The following WDR20 variants were observed in gnomAD, a reference collection of about 807,000 sequenced individuals.
WDR20 encodes the protein WD repeat domain 20, also known as WD repeat-containing protein 20.
A neutral mutation model predicts 38.7 loss-of-function variants in WDR20; 3 were observed. That is an observed-to-expected ratio of 0.08 (90% CI 0.04 to 0.20). The LOEUF (loss-of-function observed/expected upper bound fraction) is 0.20, where lower values mean the gene tolerates loss of function less well. Ranked by LOEUF, WDR20 falls within the 10% of genes least tolerant of loss-of-function variation. WDR20 has a pLI of 1.00. For missense variants in WDR20, 559 were observed against 727.7 expected (o/e 0.77, Z 2.67); for synonymous variants, 298 against 285.6 (o/e 1.04, Z -0.44).
chr14:102,140,349 TGGCGGTGGCGTTTCGAAGGGGTGGG>T, intron 1 of WDR20, 177 bp downstream of exon 1: 1 of 1,013,754 alleles, frequency 9.9e-7, no homozygotes, highest in Non-Finnish European at 1.3e-6. Flanking sequence ...AGGAGGGTGG[TGGCGGTGGCGTTTCGAAGGGGTGGG>T]GGCAGTGGAA....
At chr14:102,202,631 T>C (rs147652911) in intron 2 of WDR20, among the ~76,000 whole-genome samples, 6,763 of 152,112 alleles carry the variant, frequency 0.044, 196 homozygotes, top group Middle Eastern at 0.068. Context: ...CCGCCCGCCT[T>C]GGCCTCCCAA....
intron 1 of WDR20, among the ~76,000 whole-genome samples, chr14:102,179,729 C>T (rs2062975698): frequency 6.6e-6 from 1 of 152,070 alleles, no homozygotes; most frequent in Non-Finnish European, 1.5e-5. Flanking sequence ...ATACATTTTC[C>T]AACAGGTGGC....
intron 2 of WDR20, among the ~76,000 whole-genome samples, chr14:102,205,229 C>G (rs767072199): frequency 6.6e-6 from 1 of 151,410 alleles, no homozygotes; most frequent in Non-Finnish European, 1.5e-5. Flanking sequence ...CCACTGCACT[C>G]CAACCTGAGT....
In WDR20 at chr14:102,184,965, A is replaced by G. The variant is rs1397008340; in HGVS notation, c.250-9973A>G. ...TGAAGGGGATGGGTTTGGAATGCCA[A>G]GCAAGTGTGGGCTGTACTAGTATGT... is the stretch of plus-strand genomic sequence containing the variant. On this transcript the variant is annotated intron_variant, in intron 1 of 2. Coordinates refer to ENST00000342702, the MANE Select transcript of WDR20 (RefSeq NM_144574.4). 2.0e-5 allele frequency among the ~76,000 whole-genome samples: 3 copies of G among 152,314 alleles called. No homozygotes were observed. In the East Asian group the frequency reaches 5.8e-4, roughly 29 times the overall value.
intron 1 of WDR20, among the ~76,000 whole-genome samples, chr14:102,185,350 A>G (rs1159152054): frequency 6.6e-6 from 1 of 152,150 alleles, no homozygotes; most frequent in Admixed American, 6.5e-5. Flanking sequence ...TAGATCTGGA[A>G]TCTGGGCCAC....
downstream of WDR20, chr14:102,212,585 G>A: frequency 6.5e-7 from 1 of 1,535,866 alleles, no homozygotes; most frequent in Non-Finnish European, 8.7e-7. Context: ...AGAACTAAAA[G>A]TGCCCAACAG....
intron 1 of WDR20, among the ~76,000 whole-genome samples, chr14:102,182,524 A>G (rs924179621): frequency 1.3e-5 from 2 of 150,368 alleles, no homozygotes; most frequent in Non-Finnish European, 3.0e-5. Context: ...ATGATATATC[A>G]TTCCCATTCA....
rs371726641 is a variant in WDR20 at position 102,194,898 on chromosome 14, T to C, written c.250-40T>C. Reference sequence around the variant, plus strand: ...GCATAACTTAGATTTCTCATCTCAATGTGCTGTTTACTGTATGTATTTTTC... The same window carrying C: ...GCATAACTTAGATTTCTCATCTCAACGTGCTGTTTACTGTATGTATTTTTC... On this transcript the variant is annotated intron_variant, in intron 1 of 2. Transcript: ENST00000342702. 12 of 1,579,596 alleles carry C rather than the reference T, an allele frequency of 7.6e-6. No homozygotes were observed. In the African/African-American group the frequency reaches 1.4e-4, roughly 18 times the overall value.
At chr14:102,202,622 C>T (rs529314732) in intron 2 of WDR20, among the ~76,000 whole-genome samples, 49 of 152,110 alleles carry the variant, frequency 3.2e-4, no homozygotes, top group East Asian at 1.5e-3. Flanking sequence ...CCTCGTGATC[C>T]GCCCGCCTTG....
At chr14:102,169,704 T>A (rs1352096885) in intron 1 of WDR20, among the ~76,000 whole-genome samples, 1 of 152,014 alleles carries the variant, frequency 6.6e-6, no homozygotes, top group East Asian at 1.9e-4. Context: ...ATTTTTGTAT[T>A]TTTAGTAGAG....
intron 1 of WDR20, among the ~76,000 whole-genome samples, chr14:102,141,581 C>T (rs752536711): frequency 9.9e-5 from 15 of 151,986 alleles, no homozygotes; most frequent in Non-Finnish European, 2.2e-4. Context: ...TTGTCACTGA[C>T]TTGTTTGGGT....
At chr14:102,213,000 G>A, downstream of WDR20, 1 of 994,298 alleles carries the variant, frequency 1.0e-6, no homozygotes, top group African/African-American at 1.7e-5. Context: ...CACGCTGCGT[G>A]GCTGGAGAAT....
At chr14:102,219,532 T>C (rs2063639725), downstream of WDR20, among the ~76,000 whole-genome samples, 1 of 152,240 alleles carries the variant, frequency 6.6e-6, no homozygotes, top group South Asian at 2.1e-4. Flanking sequence ...GCTGGAGAAC[T>C]GGAGGCCGGG....
chr14:102,154,932 T>A (rs994641818), intron 1 of WDR20, among the ~76,000 whole-genome samples: 1 of 152,170 alleles, frequency 6.6e-6, no homozygotes, highest in African/African-American at 2.4e-5. Flanking sequence ...TAGATAATAA[T>A]TGATAGGATT....
chr14:102,159,534 C>T (rs924439464), intron 1 of WDR20, among the ~76,000 whole-genome samples: 2 of 152,156 alleles, frequency 1.3e-5, no homozygotes, highest in African/African-American at 4.8e-5. Flanking sequence ...TGTTTCACCG[C>T]CTCTTAAAAC....
At chr14:102,169,432 G>A (rs2060397931) in intron 1 of WDR20, among the ~76,000 whole-genome samples, 1 of 152,158 alleles carries the variant, frequency 6.6e-6, no homozygotes, top group South Asian at 2.1e-4. Flanking sequence ...ACAAGAGGAG[G>A]GCTTTATCTG....
intron 1 of WDR20, among the ~76,000 whole-genome samples, chr14:102,159,631 C>A (rs2058209170): frequency 1.3e-5 from 2 of 152,036 alleles, no homozygotes; most frequent in South Asian, 4.2e-4. Flanking sequence ...CTCAGGAGTT[C>A]CAGACCAGCC....
chr14:102,187,493 C>T (rs2065146609), intron 1 of WDR20, among the ~76,000 whole-genome samples: 1 of 150,798 alleles, frequency 6.6e-6, no homozygotes, highest in Non-Finnish European at 1.5e-5. Flanking sequence ...GAAGGAATGG[C>T]AGGAAAGGCA....
chr14:102,223,904 G>C (rs1403183876), downstream of WDR20, among the ~76,000 whole-genome samples: 1 of 152,166 alleles, frequency 6.6e-6, no homozygotes, highest in Non-Finnish European at 1.5e-5. Context: ...TCTGCACAGG[G>C]CTTCAGGATC....
Sources: gnomAD v4.1 joint callset for allele counts (sites outside exome capture counted in the v4.1 genomes callset) on GRCh38, gnomAD v4.1.1 for gene constraint, MANE v1.5 for transcripts, NCBI Gene and HGNC (gene_info 2026-07-23, HGNC 2026-07-21) for gene names.